The following CD55 variants were observed in gnomAD, a reference collection of about 807,000 sequenced individuals.
CD55 encodes the protein complement decay-accelerating factor.
In CD55, 41 loss-of-function variants were observed where a neutral mutation model predicts 45.8. The ratio of observed to expected loss-of-function variants is 0.90; its 90% CI spans 0.70 to 1.16. The LOEUF (loss-of-function observed/expected upper bound fraction) is 1.16, where lower values mean the gene tolerates loss of function less well. Among genes scored for constraint, CD55 ranks in the 50% most tolerant of loss-of-function variants. The pLI is 0.00. For synonymous variants in CD55, 181 were observed against 181.1 expected (o/e 1.00, Z 0.01); for missense variants, 416 against 469.8 (o/e 0.89, Z 1.06).
At chr1:207,356,920 G>A (rs1656098082) in intron 9 of CD55, among the ~76,000 whole-genome samples, 3 of 152,164 alleles carry the variant, frequency 2.0e-5, no homozygotes, top group Admixed American at 2.0e-4. Context: ...ACTAGTTGTG[G>A]AATTTATACA....
At chr1:207,343,889 T>C (rs932719377) in intron 9 of CD55, among the ~76,000 whole-genome samples, 1 of 152,238 alleles carries the variant, frequency 6.6e-6, no homozygotes, top group Non-Finnish European at 1.5e-5. Context: ...TCTTGCTGAA[T>C]TGATCTCTTT....
Position 207,325,003 on chromosome 1 carries a change from G to T in CD55, c.478+253G>T, listed in dbSNP as rs771695440. Among the ~76,000 whole-genome samples, 5 of 152,182 alleles carry T rather than the reference G, an allele frequency of 3.3e-5. No homozygotes were observed. In the South Asian group the frequency reaches 6.2e-4, roughly 19 times the overall value. ...AACAAGTATATATTCTAAATTCGTT[G>T]CTTTTTCAAAACTTATTATAAAGAG... On this transcript the variant is annotated intron_variant, in intron 3 of 9. Transcript: ENST00000367064.
chr1:207,322,592 A>G, intron 2 of CD55, 25 bp downstream of exon 2: 2 of 1,563,898 alleles, frequency 1.3e-6, no homozygotes, highest in Non-Finnish European at 1.7e-6. Context: ...TTTTTAGAAA[A>G]GTTCTGGGAA....
At chr1:207,334,407 TG>T (rs1343135854) in intron 6 of CD55, among the ~76,000 whole-genome samples, 1 of 152,024 alleles carries the variant, frequency 6.6e-6, no homozygotes, top group Non-Finnish European at 1.5e-5. Flanking sequence ...TCAAGTAGAA[TG>T]AAAATAATGC....
At chr1:207,337,738 A>G in intron 8 of CD55, 1 of 203,810 alleles carries the variant, frequency 4.9e-6, no homozygotes, top group Non-Finnish European at 9.9e-6. Context: ...AGAACCAAAT[A>G]TGTACTGTCT....
intron 9 of CD55, chr1:207,350,236 T>C (rs1435534866): frequency 2.7e-6 from 1 of 372,626 alleles, no homozygotes. Flanking sequence ...AGTTAGGTAT[T>C]TGATGTGCTG....
intron 6 of CD55, among the ~76,000 whole-genome samples, chr1:207,333,958 A>G (rs1253248435): frequency 1.3e-5 from 2 of 152,116 alleles, no homozygotes; most frequent in Non-Finnish European, 2.9e-5. Flanking sequence ...AAGGAGGAGG[A>G]GGAGAAGAGA....
At chr1:207,357,304 G>C (rs571338667) in intron 9 of CD55, among the ~76,000 whole-genome samples, 1 of 151,890 alleles carries the variant, frequency 6.6e-6, no homozygotes, top group Non-Finnish European at 1.5e-5. Context: ...AAACGTTTTA[G>C]GAATGTGATT....
chr1:207,352,860 A>G (rs1363594615), intron 9 of CD55, among the ~76,000 whole-genome samples: 1 of 151,934 alleles, frequency 6.6e-6, no homozygotes, highest in African/African-American at 2.4e-5. Context: ...CTCTGTGGCA[A>G]GTACTGTACT....
At chr1:207,336,229 A>G (rs1175560702) in intron 6 of CD55, among the ~76,000 whole-genome samples, 1 of 152,198 alleles carries the variant, frequency 6.6e-6, no homozygotes, top group Non-Finnish European at 1.5e-5. Context: ...CTCGAGTATC[A>G]CTTTAAACAA....
In CD55 at chr1:207,359,875, A is replaced by C; in HGVS notation, c.*265A>C. 1 of 338,412 alleles carries C rather than the reference A, an allele frequency of 3.0e-6. No homozygotes were observed. Among genetic ancestry groups the C allele is most frequent in the Non-Finnish European group, 5.3e-6 (1 of 189,638 alleles). 21.0% of individuals were successfully genotyped at this position (338,412 alleles called of 1,614,324 possible). A position where few individuals can be genotyped will look rare whatever the true frequency, so the allele number is the denominator to read the frequency against. ...TCCTTTCCTAAAAGTGTAAGAAAGC[A>C]TAGAGATTTGTTCGTATTTAGAATG... On this transcript the variant is annotated 3_prime_UTR_variant, in exon 10 of 10. Coordinates refer to ENST00000367064, the MANE Select transcript of CD55 (RefSeq NM_000574.5).
At chr1:207,347,676 A>G (rs560057278) in intron 9 of CD55, 71 of 165,322 alleles carry the variant, frequency 4.3e-4, no homozygotes, top group African/African-American at 1.6e-3. Context: ...ATATTTCATC[A>G]CCCAGGTAGT....
intron 8 of CD55, among the ~76,000 whole-genome samples, chr1:207,337,890 C>G (rs1655256003): frequency 6.6e-6 from 1 of 152,054 alleles, no homozygotes; most frequent in Non-Finnish European, 1.5e-5. Flanking sequence ...ATACAGAGAT[C>G]CTTTCAAATA....
intron 9 of CD55, among the ~76,000 whole-genome samples, chr1:207,357,590 G>C (rs1358716971): frequency 1.3e-5 from 2 of 149,836 alleles, no homozygotes; most frequent in Admixed American, 1.3e-4. Context: ...GCGGGCGGGG[G>C]CAGGGCAGCA....
intron 9 of CD55, among the ~76,000 whole-genome samples, chr1:207,347,942 G>A (rs974159599): frequency 5.3e-5 from 8 of 151,928 alleles, no homozygotes; most frequent in South Asian, 2.1e-4. Flanking sequence ...GTAATATCCC[G>A]TGGTGTATAT....
intron 3 of CD55, 71 bp downstream of exon 3, chr1:207,324,821 A>G: frequency 1.1e-6 from 1 of 875,368 alleles, no homozygotes; most frequent in Non-Finnish European, 1.8e-6. Context: ...TCCTTCATTC[A>G]TGCTAGAACT....
At chr1:207,323,717 T>C (rs1404758242) in intron 2 of CD55, among the ~76,000 whole-genome samples, 3 of 152,244 alleles carry the variant, frequency 2.0e-5, no homozygotes, top group African/African-American at 7.2e-5. Context: ...TTTAACTTTT[T>C]ATTTTTATCC....
intron 6 of CD55, among the ~76,000 whole-genome samples, chr1:207,332,564 G>A (rs777615919): frequency 3.9e-5 from 6 of 152,094 alleles, no homozygotes; most frequent in Non-Finnish European, 8.8e-5. Flanking sequence ...AATGTAAATG[G>A]TAAAAATTTG....
intron 9 of CD55, chr1:207,340,645 G>A: frequency 1.6e-6 from 1 of 635,720 alleles, no homozygotes; most frequent in South Asian, 1.8e-5. Flanking sequence ...GCGATTATAA[G>A]TGTGAGCCAC....
Sources: allele counts gnomAD v4.1 joint callset (sites outside exome capture counted in the v4.1 genomes callset), GRCh38; gene constraint gnomAD v4.1.1; transcripts MANE v1.5; gene names NCBI Gene and HGNC (gene_info 2026-07-23, HGNC 2026-07-21).